THOC5: variants seen among roughly 807,000 people sequenced by gnomAD.
The protein encoded by THOC5 is THO complex subunit 5.
THOC5 carries 43 observed loss-of-function variants against 92.9 expected under a neutral mutation model. That is an observed-to-expected ratio of 0.46 (90% CI 0.36 to 0.60). The LOEUF is 0.60. Ranked by LOEUF, THOC5 falls within the 20% of genes least tolerant of loss-of-function variation. The probability of loss-of-function intolerance (pLI) is 0.00; values close to 1 mark genes in which losing one functional copy is unlikely to be tolerated. For synonymous variants in THOC5, 296 were observed against 320.1 expected, an observed-to-expected ratio of 0.92 and a Z score of 0.80; for missense variants, 659 against 849.4, an observed-to-expected ratio of 0.78 and a Z score of 2.79.
At chr22:29,523,753 C>T (rs2063490733) in intron 12 of THOC5, among the ~76,000 whole-genome samples, 1 of 152,030 alleles carries the variant, frequency 6.6e-6, no homozygotes. Context: ...AGACTCAAAA[C>T]ACAAAACTAT....
At chr22:29,553,472 A>AAGGCTTCAC (rs2064223048) in intron 1 of THOC5, 199 bp downstream of exon 1, 1 of 152,626 alleles carries the variant, frequency 6.6e-6, no homozygotes, top group African/African-American at 2.4e-5. Flanking sequence ...TCCAACGTGA[A>AAGGCTTCAC]GCCTGAGGAT....
At chr22:29,541,301 G>C (rs367930196) in intron 5 of THOC5, among the ~76,000 whole-genome samples, 20 of 151,932 alleles carry the variant, frequency 1.3e-4, no homozygotes, top group African/African-American at 4.3e-4. Context: ...TTTGCAACCA[G>C]GAGTTTGAGA....
intron 14 of THOC5, 33 bp downstream of exon 14, chr22:29,519,975 C>T (rs1440154932): frequency 6.4e-7 from 1 of 1,572,092 alleles, no homozygotes. Flanking sequence ...GAGGTAAGCT[C>T]CTCAGCCAAC....
intron 4 of THOC5, 146 bp from the exon 5 acceptor site, chr22:29,543,102 G>A: frequency 3.2e-6 from 2 of 619,264 alleles, no homozygotes; most frequent in South Asian, 3.9e-5. Flanking sequence ...CCAGCACTTT[G>A]GGAGGCCGAG....
intron 7 of THOC5, among the ~76,000 whole-genome samples, chr22:29,533,444 G>A (rs970019075): frequency 6.6e-6 from 1 of 151,980 alleles, no homozygotes; most frequent in Non-Finnish European, 1.5e-5. Flanking sequence ...TATGTGGAAA[G>A]AAAAAATGAA....
chr22:29,511,834 G>C (rs1455025227), intron 18 of THOC5, among the ~76,000 whole-genome samples, 187 bp downstream of exon 18: 1 of 152,222 alleles, frequency 6.6e-6, no homozygotes, highest in African/African-American at 2.4e-5. Flanking sequence ...CCCAAGGTAG[G>C]CAAGTAGGTC....
intron 12 of THOC5, 117 bp downstream of exon 12, chr22:29,525,721 G>T (rs1413542027): frequency 2.9e-6 from 2 of 698,854 alleles, no homozygotes; most frequent in East Asian, 5.2e-5. Flanking sequence ...TACAAGACAA[G>T]TCAACACAGC....
At chr22:29,524,128 C>G (rs1475954803) in intron 12 of THOC5, among the ~76,000 whole-genome samples, 3 of 152,220 alleles carry the variant, frequency 2.0e-5, no homozygotes, top group Non-Finnish European at 4.4e-5. Context: ...CCTTTTATGT[C>G]TCCTCCCTGT....
At chr22:29,536,858 G>A (rs1312762448) in intron 6 of THOC5, 120 bp from the exon 7 acceptor site, 1 of 677,908 alleles carries the variant, frequency 1.5e-6, no homozygotes, top group Non-Finnish European at 2.7e-6. Context: ...TGTTTATCCA[G>A]CACTCAATGT....
At chr22:29,511,907 TTC>T (rs1181045371) in intron 18 of THOC5, 112 bp downstream of exon 18, 5 of 847,266 alleles carry the variant, frequency 5.9e-6, no homozygotes, top group East Asian at 5.3e-5. Flanking sequence ...TGGCACAACC[TTC>T]TGTTTTGGGA....
At position 29,531,937 on chromosome 22, in the gene THOC5, C is replaced by G; in HGVS notation, c.741G>C (p.Leu247=). 1 of 1,614,198 alleles carries G rather than the reference C, an allele frequency of 6.2e-7. No homozygotes were observed. Among genetic ancestry groups the G allele is most frequent in the South Asian group, 1.1e-5 (1 of 91,084 alleles). The part of the protein sequence containing the change: ...MQASLPVQEY[L]FMPFDQAHKQ... Reference sequence around the variant, plus strand: ...TGTGAGCCTGGTCGAATGGCATAAACAGGTACTCCTGCACCGGAAGGGAAG... The same window carrying G: ...TGTGAGCCTGGTCGAATGGCATAAAGAGGTACTCCTGCACCGGAAGGGAAG... Residue 247 remains leucine, a synonymous_variant, in exon 8 of 20, where the codon CTG becomes CTC. Transcript: ENST00000490103.
intron 18 of THOC5, 89 bp from the exon 19 acceptor site, chr22:29,511,385 A>C: frequency 6.9e-7 from 1 of 1,438,888 alleles, no homozygotes; most frequent in Non-Finnish European, 9.4e-7. Flanking sequence ...GATGGGCCCG[A>C]GCGCTGATGC....
rs576714272 is a variant in THOC5, at chr22:29,529,216, C to T, written c.871G>A (p.Glu291Lys). 90 of 1,614,148 alleles carry T rather than the reference C, an allele frequency of 5.6e-5. No individual in the cohort carries two copies. The South Asian group carries it at 9.3e-4, about 17-fold the overall frequency. Residue 291 changes from glutamate to lysine, a missense_variant, in exon 9 of 20, where the codon GAA becomes AAA. By Grantham distance (56) the Glu-to-Lys change is moderately conservative. Coordinates refer to ENST00000490103, the MANE Select transcript of THOC5 (RefSeq NM_003678.5). ...GCCTTGGCTTCATCCACACTGCCTT[C>T]GATTGCCACAGATAACGTCTTATCT... ...ACDKTLSVAI[E>K]GSVDEAKALF...
At chr22:29,534,967 A>G (rs1418328827) in intron 7 of THOC5, 1 of 149,708 alleles carries the variant, frequency 6.7e-6, no homozygotes, top group Non-Finnish European at 1.5e-5. Flanking sequence ...TCAAAAAAAA[A>G]AAAAAAAAAA....
intron 17 of THOC5, among the ~76,000 whole-genome samples, chr22:29,516,643 C>T (rs1262784642): frequency 6.6e-6 from 1 of 152,212 alleles, no homozygotes; most frequent in African/African-American, 2.4e-5. Flanking sequence ...CCCTGTGGCC[C>T]TGCCCTTTAC....
At chr22:29,520,618 C>A (rs1324009086) in intron 13 of THOC5, among the ~76,000 whole-genome samples, 1 of 152,156 alleles carries the variant, frequency 6.6e-6, no homozygotes, top group East Asian at 1.9e-4. Context: ...ACCTCAACCT[C>A]CCCAGTAGCT....
rs1468154812 is a variant in THOC5, at chr22:29,543,556, A to C, written c.241-14T>G. ...TATTTCTATTGCCTGTGGGCAAAGA[A>C]AACAGTAAAGCCCACTGACGACAGG... On this transcript the variant is annotated splice_polypyrimidine_tract_variant and intron_variant, in intron 3 of 19. Transcript: ENST00000490103. The C allele has an allele frequency of 1.2e-6, 2 of 1,601,536 alleles. No homozygotes were observed. The highest frequency in any genetic ancestry group is 1.7e-6 in the Non-Finnish European group (2 of 1,168,736).
chr22:29,531,911 T>G lies in THOC5; in HGVS notation c.767A>C (p.Lys256Thr). The G allele has an allele frequency of 1.2e-6, 2 of 1,614,154 alleles. No homozygotes were observed. The highest frequency in any genetic ancestry group is 1.7e-6 in the Non-Finnish European group (2 of 1,180,026). The change falls in exon 8 of 20, where the codon AAG (lysine) becomes ACG (threonine). Residue 256 changes from lysine to threonine, a missense_variant. Transcript: ENST00000490103. ...CAGGTGTCTGGCTGTCTCATACTGC[T>G]TGTGAGCCTGGTCGAATGGCATAAA... ...YLFMPFDQAH[K>T]QYETARHLPP... is the part of the protein sequence containing the mutation.
At chr22:29,510,475 G>T (rs1341971508) in intron 19 of THOC5, among the ~76,000 whole-genome samples, 2 of 152,112 alleles carry the variant, frequency 1.3e-5, no homozygotes, top group Admixed American at 6.6e-5. Context: ...GTGCATGTCT[G>T]TGGTCCCAGC....
Sources: gnomAD v4.1 joint callset for allele counts (sites outside exome capture counted in the v4.1 genomes callset) on GRCh38, gnomAD v4.1.1 for gene constraint, MANE v1.5 for transcripts, NCBI Gene and HGNC (gene_info 2026-07-23, HGNC 2026-07-21) for gene names.